KIAA1217: variants seen among roughly 807,000 people sequenced by gnomAD.
KIAA1217 encodes sickle tail protein homolog.
KIAA1217 carries 88 observed loss-of-function variants against 163.9 expected under a neutral mutation model. That is an observed-to-expected ratio of 0.54 (90% CI 0.45 to 0.64). The LOEUF is 0.64. Ranked by LOEUF, KIAA1217 falls within the 30% of genes least tolerant of loss-of-function variation. KIAA1217 has a pLI of 0.00. For synonymous variants in KIAA1217, 903 were observed against 923.1 expected, an observed-to-expected ratio of 0.98 and a Z score of 0.39; for missense variants, 2,372 against 2,475.0, an observed-to-expected ratio of 0.96 and a Z score of 0.88.
chr10:24,528,328 T>G (rs916866702), intron 14 of KIAA1217, among the ~76,000 whole-genome samples: 4 of 151,034 alleles, frequency 2.6e-5, no homozygotes, highest in African/African-American at 9.7e-5. Flanking sequence ...TTTTGTTTTT[T>G]TTTTTGTTTT....
chr10:24,032,710 A>T (rs994081777), intron 2 of KIAA1217, among the ~76,000 whole-genome samples: 2 of 152,176 alleles, frequency 1.3e-5, no homozygotes, highest in South Asian at 2.1e-4. Context: ...TATTACTGTT[A>T]TTACTAATTA....
Position 24,473,409 on chromosome 10 carries a change from A to G in KIAA1217, c.1028A>G (p.Asn343Ser). ...ACCCGCTCCATGGTTGTTCCTGGCA[A>G]TGCCACCATCCCCAGGGACAGAATC... ...GGTRSMVVPGNATIPRDRISS... is the reference protein window; with the variant it reads ...GGTRSMVVPGSATIPRDRISS... Residue 343 changes from asparagine (N) to serine (S), a missense_variant, in exon 6 of 21, where the codon AAT becomes AGT. Asn to Ser is a conservative substitution (Grantham distance 46). Coordinates refer to ENST00000376454, the MANE Select transcript of KIAA1217 (RefSeq NM_019590.5). 1 of 1,613,840 alleles carries G rather than the reference A, an allele frequency of 6.2e-7. No homozygotes were observed.
At chr10:24,360,799 T>C (rs1424568905) in intron 2 of KIAA1217, among the ~76,000 whole-genome samples, 1 of 152,202 alleles carries the variant, frequency 6.6e-6, no homozygotes, top group African/African-American at 2.4e-5. Flanking sequence ...CATGTAGATA[T>C]GATTTTATTG....
chr10:24,104,293 T>G (rs937829759), intron 2 of KIAA1217, among the ~76,000 whole-genome samples: 3 of 152,084 alleles, frequency 2.0e-5, no homozygotes, highest in South Asian at 2.1e-4. Flanking sequence ...AATGGATAAA[T>G]AAACCATGGT....
At chr10:24,512,990 C>T (rs149747423) in intron 9 of KIAA1217, among the ~76,000 whole-genome samples, 5 of 152,322 alleles carry the variant, frequency 3.3e-5, no homozygotes, top group South Asian at 4.2e-4. Context: ...TGAGAGTTTA[C>T]GCCTGTTGTC....
chr10:23,700,782 C>T (rs952151040), intron 1 of KIAA1217, among the ~76,000 whole-genome samples: 12 of 152,220 alleles, frequency 7.9e-5, no homozygotes, highest in African/African-American at 2.9e-4. Flanking sequence ...TTTTAAATTA[C>T]ATCCATCTAA....
At chr10:24,144,887 C>T (rs2131842416) in intron 2 of KIAA1217, among the ~76,000 whole-genome samples, 1 of 152,312 alleles carries the variant, frequency 6.6e-6, no homozygotes, top group African/African-American at 2.4e-5. Flanking sequence ...CCCTCACATT[C>T]TTGATAATTT....
At chr10:24,336,319 A>G (rs539150000) in intron 2 of KIAA1217, among the ~76,000 whole-genome samples, 35 of 152,256 alleles carry the variant, frequency 2.3e-4, no homozygotes, top group Non-Finnish European at 3.5e-4. Context: ...GAAAAAGAGC[A>G]CAAAGAACAC....
At chr10:23,822,154 C>A (rs1028945394) in intron 1 of KIAA1217, among the ~76,000 whole-genome samples, 1 of 152,156 alleles carries the variant, frequency 6.6e-6, no homozygotes, top group African/African-American at 2.4e-5. Context: ...CCTTTCCTGT[C>A]AGGAAAGACT....
chr10:23,725,041 C>T (rs1838061483), intron 1 of KIAA1217, among the ~76,000 whole-genome samples: 1 of 152,160 alleles, frequency 6.6e-6, no homozygotes, highest in Non-Finnish European at 1.5e-5. Context: ...TTATGACAAC[C>T]TTTCATACAA....
chr10:23,806,368 CT>C (rs1836743495), intron 1 of KIAA1217, among the ~76,000 whole-genome samples: 2 of 152,154 alleles, frequency 1.3e-5, no homozygotes, highest in South Asian at 4.1e-4. Context: ...ATGTGAATGA[CT>C]TTTTTACATT....
intron 2 of KIAA1217, among the ~76,000 whole-genome samples, chr10:24,083,730 A>G (rs74924234): frequency 6.6e-6 from 1 of 152,326 alleles, no homozygotes; most frequent in African/African-American, 2.4e-5. Flanking sequence ...AAATAAAATT[A>G]TAAAATTACT....
chr10:24,494,011 C>A (rs1321038445), intron 6 of KIAA1217, among the ~76,000 whole-genome samples: 3 of 152,132 alleles, frequency 2.0e-5, no homozygotes, highest in African/African-American at 7.2e-5. Context: ...GTTTGTGTTG[C>A]CCCTAAGCTG....
chr10:23,851,434 C>T (rs1588947604), intron 1 of KIAA1217, among the ~76,000 whole-genome samples: 1 of 152,236 alleles, frequency 6.6e-6, no homozygotes, highest in South Asian at 2.1e-4. Context: ...TGAGTTGGTT[C>T]CAAGTCTTTG....
rs547040248 is a variant in KIAA1217 at position 24,523,985 on chromosome 10, C to G, written c.2457-338C>G. The stretch of plus-strand genomic sequence containing the variant: ...GAATGTGGGCGGCCCACCCAAGATG[C>G]TTGGCAGTGAAAGGAGGAGGGAATA... On this transcript the variant is annotated intron_variant, in intron 12 of 20. Transcript: ENST00000376454. Among the ~76,000 whole-genome samples, 19 of 152,240 alleles carry G rather than the reference C, an allele frequency of 1.2e-4. No homozygotes were observed. The South Asian group carries it at 3.7e-3, about 30-fold the overall frequency.
chr10:24,461,918 A>G (rs1488859598), intron 5 of KIAA1217, among the ~76,000 whole-genome samples: 1 of 152,088 alleles, frequency 6.6e-6, no homozygotes, highest in Non-Finnish European at 1.5e-5. Context: ...TCTGAGGGGC[A>G]TGGTCCTGAG....
chr10:23,960,880 A>ATACAG (rs1286411722), intron 1 of KIAA1217, among the ~76,000 whole-genome samples: 11 of 152,248 alleles, frequency 7.2e-5, no homozygotes, highest in Non-Finnish European at 7.3e-5. Flanking sequence ...CTAAGGACAG[A>ATACAG]TAGTTTAAAA....
chr10:24,366,152 G>A (rs7900631), intron 2 of KIAA1217, among the ~76,000 whole-genome samples: 3,901 of 152,168 alleles, frequency 0.026, 165 homozygotes, highest in African/African-American at 0.087. Context: ...AAGTTAAGTT[G>A]CTCAAAAATG....
chr10:23,978,029 C>T (rs1845611984), intron 1 of KIAA1217, among the ~76,000 whole-genome samples: 1 of 152,210 alleles, frequency 6.6e-6, no homozygotes. Context: ...AGTACTCCCA[C>T]TGAGTTTCTC....
Sources: allele counts gnomAD v4.1 joint callset (sites outside exome capture counted in the v4.1 genomes callset), GRCh38; gene constraint gnomAD v4.1.1; transcripts MANE v1.5; gene names NCBI Gene and HGNC (gene_info 2026-07-23, HGNC 2026-07-21).